SSBP2: variants seen among roughly 807,000 people sequenced by gnomAD.
SSBP2 encodes single stranded DNA binding protein 2, also known as single-stranded DNA-binding protein 2.
In SSBP2, 17 loss-of-function variants were observed where a neutral mutation model predicts 61.8. The ratio of observed to expected loss-of-function variants is 0.28; its 90% CI spans 0.19 to 0.41. The LOEUF (loss-of-function observed/expected upper bound fraction) is 0.41. Among genes scored for constraint, SSBP2 ranks in the 10% least tolerant of loss-of-function variants. The pLI is 1.00. For synonymous variants in SSBP2, 139 were observed against 141.3 expected (o/e 0.98, Z 0.12); for missense variants, 310 against 458.7 (o/e 0.68, Z 2.96).
chr5:81,502,572 T>C (rs1767881422), intron 5 of SSBP2, among the ~76,000 whole-genome samples: 1 of 152,204 alleles, frequency 6.6e-6, no homozygotes, highest in Admixed American at 6.5e-5. Flanking sequence ...GCCTCTCACA[T>C]CTTGTTCCCT....
chr5:81,664,410 G>A (rs1005261663), intron 1 of SSBP2, among the ~76,000 whole-genome samples: 2 of 152,032 alleles, frequency 1.3e-5, no homozygotes, highest in African/African-American at 2.4e-5. Context: ...GATTACTGGC[G>A]TGAGCCACCG....
intron 1 of SSBP2, among the ~76,000 whole-genome samples, chr5:81,674,158 A>C (rs1751788953): frequency 6.6e-6 from 1 of 152,114 alleles, no homozygotes; most frequent in South Asian, 2.1e-4. Context: ...TATCTAGAAA[A>C]ATACTATAAA....
chr5:81,589,382 AT>A (rs1314751770), intron 4 of SSBP2, among the ~76,000 whole-genome samples: 1 of 152,202 alleles, frequency 6.6e-6, no homozygotes, highest in Non-Finnish European at 1.5e-5. Flanking sequence ...AATAATAAAA[AT>A]TTCTTTAAAT....
At chr5:81,538,642 A>G (rs1487019320) in intron 4 of SSBP2, among the ~76,000 whole-genome samples, 5 of 152,234 alleles carry the variant, frequency 3.3e-5, no homozygotes, top group South Asian at 2.1e-4. Flanking sequence ...TTCTCTTGTT[A>G]GCAGCTAATG....
intron 1 of SSBP2, among the ~76,000 whole-genome samples, chr5:81,749,563 G>A (rs776756612): frequency 1.2e-4 from 19 of 152,118 alleles, no homozygotes; most frequent in South Asian, 2.1e-4. Flanking sequence ...CTTTTTCTCT[G>A]GTCTGAACCC....
At chr5:81,427,926 A>T (rs1333104679) in intron 16 of SSBP2, among the ~76,000 whole-genome samples, 1 of 152,194 alleles carries the variant, frequency 6.6e-6, no homozygotes, top group Non-Finnish European at 1.5e-5. Context: ...TAATGTAAAA[A>T]ATCATTATAT....
intron 2 of SSBP2, among the ~76,000 whole-genome samples, chr5:81,641,578 T>C (rs1290600126): frequency 1.3e-5 from 2 of 152,158 alleles, no homozygotes; most frequent in African/African-American, 2.4e-5. Context: ...GTTTACACAG[T>C]GAATATTGCT....
intron 2 of SSBP2, among the ~76,000 whole-genome samples, chr5:81,642,544 A>G (rs930573435): frequency 6.6e-6 from 1 of 152,226 alleles, no homozygotes; most frequent in Non-Finnish European, 1.5e-5. Flanking sequence ...AACAAAAGGT[A>G]TATCAATAGG....
intron 15 of SSBP2, among the ~76,000 whole-genome samples, chr5:81,433,035 C>T (rs10056320): frequency 0.016 from 2,451 of 151,316 alleles, 75 homozygotes; most frequent in African/African-American, 0.055. Context: ...AGGTGAGGGG[C>T]GCCTCTGCCC....
At chr5:81,569,342 G>A (rs1773674358) in intron 4 of SSBP2, among the ~76,000 whole-genome samples, 1 of 152,002 alleles carries the variant, frequency 6.6e-6, no homozygotes, top group Non-Finnish European at 1.5e-5. Flanking sequence ...TAAGCTTTAA[G>A]CTAGGTTATC....
intron 10 of SSBP2, among the ~76,000 whole-genome samples, chr5:81,451,999 A>C (rs1763805283): frequency 6.6e-6 from 1 of 152,220 alleles, no homozygotes; most frequent in Non-Finnish European, 1.5e-5. Flanking sequence ...GTACCATGTG[A>C]GTACAGAAGA....
At chr5:81,571,006 A>C (rs1773796365) in intron 4 of SSBP2, among the ~76,000 whole-genome samples, 1 of 152,208 alleles carries the variant, frequency 6.6e-6, no homozygotes, top group African/African-American at 2.4e-5. Flanking sequence ...CTCCATGGCA[A>C]ATAAGTTCAT....
At chr5:81,460,668 A>T (rs929550533) in intron 10 of SSBP2, among the ~76,000 whole-genome samples, 1 of 152,170 alleles carries the variant, frequency 6.6e-6, no homozygotes, top group Admixed American at 6.5e-5. Context: ...AATCATAATA[A>T]TTTGGCTTCT....
chr5:81,655,271 CT>C (rs1424771369), intron 1 of SSBP2, among the ~76,000 whole-genome samples: 2 of 151,940 alleles, frequency 1.3e-5, no homozygotes, highest in African/African-American at 4.8e-5. Flanking sequence ...TAACATCTTC[CT>C]TTTCCTTTTT....
At chr5:81,675,642 T>C (rs1751912272) in intron 1 of SSBP2, among the ~76,000 whole-genome samples, 1 of 152,240 alleles carries the variant, frequency 6.6e-6, no homozygotes, top group African/African-American at 2.4e-5. Flanking sequence ...AATGAAATCC[T>C]AACTAGTAAA....
intron 1 of SSBP2, among the ~76,000 whole-genome samples, chr5:81,734,516 C>T (rs907092416): frequency 2.0e-5 from 3 of 152,108 alleles, no homozygotes; most frequent in African/African-American, 7.2e-5. Flanking sequence ...ATAAACAAAT[C>T]CCAGTACACA....
chr5:81,624,415 G>A (rs1254815543), intron 3 of SSBP2, among the ~76,000 whole-genome samples: 2 of 152,060 alleles, frequency 1.3e-5, no homozygotes, highest in Admixed American at 1.3e-4. Flanking sequence ...GACCAGAAGT[G>A]CTTCAGATTT....
At chr5:81,517,216 A>G (rs1389068940) in intron 4 of SSBP2, among the ~76,000 whole-genome samples, 2 of 152,078 alleles carry the variant, frequency 1.3e-5, no homozygotes, top group Non-Finnish European at 2.9e-5. Context: ...AACTGAATAT[A>G]TAAGACTTCA....
chr5:81,571,851 T>C (rs945686404), intron 4 of SSBP2, among the ~76,000 whole-genome samples: 4 of 152,132 alleles, frequency 2.6e-5, no homozygotes, highest in Non-Finnish European at 5.9e-5. Context: ...TTCAGTGATA[T>C]TACAAATGAA....
Sources: allele counts gnomAD v4.1 joint callset (sites outside exome capture counted in the v4.1 genomes callset), GRCh38; gene constraint gnomAD v4.1.1; transcripts MANE v1.5; gene names NCBI Gene and HGNC (gene_info 2026-07-23, HGNC 2026-07-21).